RABGGTA: variants seen among roughly 807,000 people sequenced by gnomAD.
RABGGTA encodes Rab geranylgeranyltransferase subunit alpha.
A neutral mutation model predicts 83.3 loss-of-function variants in RABGGTA; 69 were observed. The observed-to-expected ratio is 0.83, with a 90% confidence interval of 0.68 to 1.01. The LOEUF (loss-of-function observed/expected upper bound fraction) is 1.01, where lower values mean the gene tolerates loss of function less well. Ranked by LOEUF, RABGGTA falls within the 50% of genes least tolerant of loss-of-function variation. RABGGTA has a pLI of 0.00. For synonymous variants in RABGGTA, 310 were observed against 299.8 expected (o/e 1.03, Z -0.35); for missense variants, 681 against 712.7 (o/e 0.96, Z 0.51).
intron 5 of RABGGTA, 28 bp from the exon 6 acceptor site, chr14:24,269,722 T>C: frequency 1.2e-6 from 2 of 1,609,274 alleles, no homozygotes; most frequent in Non-Finnish European, 1.7e-6. Context: ...CAGCATATCT[T>C]AGAGGCAGGG....
Position 24,268,786 on chromosome 14 carries a change from T to A in RABGGTA, c.839A>T (p.Asp280Val). ...CCTCCACTCCACAATCAGGGGAGAATCATCAACCATGAGCAGCAAGATCTC... is the reference window on the plus strand; with the variant it reads ...CCTCCACTCCACAATCAGGGGAGAAACATCAACCATGAGCAGCAAGATCTC... ...RMEILLLMVD[D>V]SPLIVEWRTP... Residue 280 changes from aspartate to valine, a missense_variant, in exon 9 of 17, where the codon GAT becomes GTT. By Grantham distance (152) the Asp-to-Val change is radical. This residue lies in a region of RABGGTA where 421 missense variants were observed against 418.5 expected (regional missense o/e 1.01). Transcript: ENST00000216840. The A allele has an allele frequency of 6.3e-7, 1 of 1,576,228 alleles. No homozygotes were observed. The highest frequency in any genetic ancestry group is 8.6e-7 in the Non-Finnish European group (1 of 1,161,116).
Position 24,269,629 on chromosome 14 carries a change from C to G in RABGGTA, c.493G>C (p.Ala165Pro), listed in dbSNP as rs777795788. Residue 165 changes from alanine (A) to proline (P), a missense_variant, in exon 6 of 17, where the codon GCC becomes CCC. Coordinates refer to ENST00000216840, the MANE Select transcript of RABGGTA (RefSeq NM_182836.3). ...CGGGTGATGAGGCTGTCAGTGAAGG[C>G]TAGCTCTTCTGCAGGGGGCACGGCT... ...QAAVPPAEEL[A>P]FTDSLITRNF... is the part of the protein sequence containing the mutation. The G allele has an allele frequency of 6.8e-6, 11 of 1,613,982 alleles. No homozygotes were observed. Among genetic ancestry groups the G allele is most frequent in the Non-Finnish European group, 5.9e-6 (7 of 1,179,874 alleles).
Position 24,270,444 on chromosome 14 carries a change from C to A in RABGGTA, c.129G>T (p.Glu43Asp), listed in dbSNP as rs994714032. The A allele has an allele frequency of 1.8e-5, 29 of 1,613,934 alleles. No individual in the cohort carries two copies. Among genetic ancestry groups the A allele is most frequent in the Non-Finnish European group, 2.4e-5 (28 of 1,179,904 alleles). ...QAVFQKRQAG[E>D]LDESVLELTS... ...TCAGTTCCAGCACGGACTCATCCAG[C>A]TCACCAGCCTGGCGCTAAGAAGATA... is the stretch of plus-strand genomic sequence containing the variant. The change falls in exon 4 of 17, where the codon GAG (glutamate) becomes GAT (aspartate). Residue 43 changes from glutamate to aspartate, a missense_variant. Physicochemically the swap from Glu to Asp is conservative, Grantham distance 45. This residue lies in a region of RABGGTA where 115 missense variants were observed against 111.5 expected (regional missense o/e 1.03). Coordinates refer to ENST00000216840, the MANE Select transcript of RABGGTA (RefSeq NM_182836.3).
Position 24,269,153 on chromosome 14 carries a change from C to G in RABGGTA, c.642G>C (p.Leu214=). 6.2e-7 allele frequency: 1 copy of G among 1,610,840 alleles called. No homozygotes were observed. The highest frequency in any genetic ancestry group is 8.5e-7 in the Non-Finnish European group (1 of 1,178,454). ...PEDVLLKELE[L]VQNAFFTDPN... is the part of the protein sequence containing the mutation. ...GGTCAGTGAAGAAGGCATTCTGCAC[C>G]AGCTCCAGCTCTGTGGGGTTCCAGG... The change falls in exon 7 of 17, where the codon CTG becomes CTC. Residue 214 remains leucine, a synonymous_variant. Transcript: ENST00000216840.
At position 24,266,817 on chromosome 14, in the gene RABGGTA, G is replaced by A. The variant is rs1421425593; in HGVS notation, c.1426C>T (p.Arg476Ter). Residue 476 changes from arginine (R) to a stop codon, truncating the protein, a stop_gained, in exon 15 of 17, where the codon CGA (arginine) becomes TGA (stop). Transcript: ENST00000216840. LOFTEE classifies it high-confidence loss of function. ...THLDLSHNRL[R>*]TLPPALAALR... ...GCAGCCAGTGCAGGTGGCAGGGTTC[G>A]GAGGCGATTGTGTGACAAGTCAAGA... The A allele has an allele frequency of 4.3e-6, 7 of 1,613,976 alleles. No homozygotes were observed. Among genetic ancestry groups the A allele is most frequent in the South Asian group, 1.1e-5 (1 of 91,072 alleles).
rs748613916 is a variant in RABGGTA at position 24,266,524 on chromosome 14, G to C, written c.1468-7C>G. 1.2e-6 allele frequency: 2 copies of C among 1,612,620 alleles called. No individual in the cohort carries two copies. Among genetic ancestry groups the C allele is most frequent in the Non-Finnish European group, 1.7e-6 (2 of 1,178,832 alleles). On this transcript the variant is annotated splice_region_variant and splice_polypyrimidine_tract_variant and intron_variant, in intron 15 of 16. Coordinates refer to ENST00000216840, the MANE Select transcript of RABGGTA (RefSeq NM_182836.3). ...TATCACTGGCCTGCAGCACCTGGGG[G>C]CAGGGAGGGCAGGGAGGCAGGACAG...
chr14:24,265,541 G>T lies in RABGGTA; in HGVS notation c.*74C>A. ...TAGTGATAGCAGCGACAACAGCTTG[G>T]TAGCCTGAGAGGGCCTCTCCATTCT... On this transcript the variant is annotated 3_prime_UTR_variant, in exon 17 of 17. Coordinates refer to ENST00000216840, the MANE Select transcript of RABGGTA (RefSeq NM_182836.3). 6.5e-7 allele frequency: 1 copy of T among 1,545,804 alleles called. No individual in the cohort carries two copies.
At position 24,271,197 on chromosome 14, in the gene RABGGTA, C is replaced by T. The variant is rs554393838; in HGVS notation, c.-54-28G>A. 21 of 1,450,240 alleles carry T rather than the reference C, an allele frequency of 1.4e-5. 2 individuals carry two copies. The South Asian group carries it at 2.9e-4, about 20-fold the overall frequency. 89.8% of individuals were successfully genotyped at this position (1,450,240 alleles called of 1,614,324 possible). The stretch of plus-strand genomic sequence containing the variant: ...GAGGAGAGAAGTGTCAATCACGTAG[C>T]CCCGCCCCTACTAGCTCCGCCCACA... On this transcript the variant is annotated intron_variant, in intron 1 of 16. Coordinates refer to ENST00000216840, the MANE Select transcript of RABGGTA (RefSeq NM_182836.3).
intron 16 of RABGGTA, 81 bp from the exon 17 acceptor site, chr14:24,265,844 G>C (rs2040867027): frequency 6.8e-7 from 1 of 1,478,374 alleles, no homozygotes; most frequent in African/African-American, 1.4e-5. Flanking sequence ...GCTGGGGACT[G>C]CTGCCTGGAA....
intron 2 of RABGGTA, 28 bp downstream of exon 2, chr14:24,271,084 AG>A: frequency 6.4e-7 from 1 of 1,566,436 alleles, no homozygotes; most frequent in South Asian, 1.2e-5. Flanking sequence ...GGGCCTGCGG[AG>A]GTGAAGGGCT....
rs2040926441 is a variant in RABGGTA at position 24,270,047 on chromosome 14, G to A, written c.333C>T (p.His111=). ...RVNPKSYGTW[H]HRCWLLGRLP... ...GGCGGCCTAGCAGCCAGCATCGGTG[G>A]TGCCAGGTACCATAAGACTTGGGGT... The change falls in exon 5 of 17, where the codon CAC becomes CAT. Residue 111 remains histidine (H), a synonymous_variant. Coordinates refer to ENST00000216840, the MANE Select transcript of RABGGTA (RefSeq NM_182836.3). 2 of 1,612,976 alleles carry A rather than the reference G, an allele frequency of 1.2e-6. No homozygotes were observed. The highest frequency in any genetic ancestry group is 1.3e-5 in the African/African-American group (1 of 74,904).
In RABGGTA at chr14:24,268,564, C is replaced by T. The variant is rs764686950; in HGVS notation, c.956G>A (p.Arg319His). The change falls in exon 10 of 17, where the codon CGC (arginine) becomes CAC (histidine). Residue 319 changes from arginine (R) to histidine (H), a missense_variant. Around this residue, in one of 5 missense-constraint regions of RABGGTA, gnomAD observed 421 missense variants for 418.5 expected, o/e 1.01. Coordinates refer to ENST00000216840, the MANE Select transcript of RABGGTA (RefSeq NM_182836.3). ...GACATCGCCTGCTGTCCAAATGACG[C>T]GAAATGTATGTTGGGGCAACTGGTC... ...LNDQLPQHTF[R>H]VIWTAGDVQK... 24 of 1,613,902 alleles carry T rather than the reference C, an allele frequency of 1.5e-5. No individual in the cohort carries two copies. The highest frequency in any genetic ancestry group is 1.6e-4 in the Middle Eastern group (1 of 6,082).
chr14:24,268,051 C>T, intron 12 of RABGGTA, 59 bp downstream of exon 12: 4 of 1,606,490 alleles, frequency 2.5e-6, no homozygotes, highest in South Asian at 1.1e-5. Flanking sequence ...CAGGGCCACA[C>T]TGGAAAGGGG....
Position 24,265,732 on chromosome 14 carries a change from A to T in RABGGTA, c.1587T>A (p.Leu529=), listed in dbSNP as rs1212445151. ...GGAGGACCAGCCTGGGGCAGGAGGCAAGAGGCTGGAGCACTGCAGGCTGCT... is the reference window on the plus strand; with the variant it reads ...GGAGGACCAGCCTGGGGCAGGAGGCTAGAGGCTGGAGCACTGCAGGCTGCT... ...RLQQPAVLQP[L]ASCPRLVLLN... The change falls in exon 17 of 17, where the codon CTT becomes CTA. Residue 529 remains leucine, a synonymous_variant. Coordinates refer to ENST00000216840, the MANE Select transcript of RABGGTA (RefSeq NM_182836.3). 1 of 1,611,824 alleles carries T rather than the reference A, an allele frequency of 6.2e-7. No individual in the cohort carries two copies. The highest frequency in any genetic ancestry group is 1.7e-5 in the Admixed American group (1 of 59,690).
intron 3 of RABGGTA, 94 bp from the exon 4 acceptor site, chr14:24,270,552 C>T (rs144100297): frequency 6.7e-7 from 1 of 1,482,686 alleles, no homozygotes; most frequent in Non-Finnish European, 9.3e-7. Flanking sequence ...TTCTGTGAAT[C>T]CCACATTATA....
chr14:24,268,192 C>G lies in RABGGTA; in HGVS notation c.1065G>C (p.Glu355Asp). ...GCACTGTGGACTTCTCCACTGACAG[C>G]TCACACCTGAGGGTGGGCAGGGTGG... is the stretch of plus-strand genomic sequence containing the variant. ...STTDEQLFRC[E>D]LSVEKSTVLQ... is the part of the protein sequence containing the mutation. The change falls in exon 12 of 17, where the codon GAG (glutamate) becomes GAC (aspartate). Residue 355 changes from glutamate (E) to aspartate (D), a missense_variant. Glu to Asp is a conservative substitution (Grantham distance 45). This residue lies in a region of RABGGTA where 421 missense variants were observed against 418.5 expected (regional missense o/e 1.01). Transcript: ENST00000216840. 6.5e-7 allele frequency: 1 copy of G among 1,541,392 alleles called. No homozygotes were observed. Among genetic ancestry groups the G allele is most frequent in the Non-Finnish European group, 9.0e-7 (1 of 1,116,340 alleles).
chr14:24,267,515 C>A, intron 14 of RABGGTA, 145 bp downstream of exon 14: 1 of 647,584 alleles, frequency 1.5e-6, no homozygotes. Context: ...ACAGAAAGGC[C>A]TGGAAGAGGA....
chr14:24,270,297 C>A (rs749606170), intron 4 of RABGGTA, 37 bp downstream of exon 4: 6 of 1,609,516 alleles, frequency 3.7e-6, no homozygotes, highest in Non-Finnish European at 2.5e-6. Flanking sequence ...AGGCGCAGGG[C>A]CAGGGCAGTC....
rs754380633 is a variant in RABGGTA, at chr14:24,270,158, G to GT, written c.240-19_240-18insA. 21 of 1,539,758 alleles carry GT rather than the reference G, an allele frequency of 1.4e-5. 1 individual carries two copies. Among genetic ancestry groups the GT allele is most frequent in the Admixed American group, 6.1e-5 (3 of 49,366 alleles). On this transcript the variant is annotated intron_variant, in intron 4 of 16. Transcript: ENST00000216840. The stretch of plus-strand genomic sequence containing the variant: ...CAGGAGACCTGTACCCAGAAGGGAA[G>GT]GGGGGGGTCAGGGCTCTCCTACAGT...
Sources: allele counts gnomAD v4.1 joint callset, GRCh38; gene constraint gnomAD v4.1.1; regional missense constraint gnomAD v4.1.1; transcripts MANE v1.5; gene names NCBI Gene and HGNC (gene_info 2026-07-23, HGNC 2026-07-21).